ZNF544: variants seen among roughly 807,000 people sequenced by gnomAD.
ZNF544 encodes zinc finger protein 544.
ZNF544 carries 10 observed loss-of-function variants against 13.5 expected under a neutral mutation model. The ratio of observed to expected loss-of-function variants is 0.74; its 90% CI spans 0.46 to 1.25. The LOEUF (loss-of-function observed/expected upper bound fraction) is 1.25. Among genes scored for constraint, ZNF544 ranks in the 50% most tolerant of loss-of-function variants. The probability of loss-of-function intolerance (pLI) is 0.00; values close to 1 mark genes in which losing one functional copy is unlikely to be tolerated. For synonymous variants in ZNF544, 323 were observed against 300.5 expected, an observed-to-expected ratio of 1.07 and a Z score of -0.77; for missense variants, 896 against 845.6, an observed-to-expected ratio of 1.06 and a Z score of -0.74.
intron 6 of ZNF544, among the ~76,000 whole-genome samples, chr19:58,256,634 C>T (rs561531851): frequency 6.6e-6 from 1 of 152,324 alleles, no homozygotes; most frequent in African/African-American, 2.4e-5. Context: ...CGGACACAAA[C>T]TCAAGGTTTT....
intron 5 of ZNF544, among the ~76,000 whole-genome samples, chr19:58,270,271 T>G (rs897472667): frequency 1.3e-5 from 2 of 151,930 alleles, no homozygotes; most frequent in Non-Finnish European, 2.9e-5. Flanking sequence ...GGAATGGCAT[T>G]TGCATAGCTG....
chr19:58,236,486 G>C (rs1236884983), intron 3 of ZNF544, among the ~76,000 whole-genome samples: 3 of 144,204 alleles, frequency 2.1e-5, no homozygotes, highest in African/African-American at 7.8e-5. Context: ...TGGGCAACAA[G>C]AGTGAAACTG....
chr19:58,265,052 G>T (rs568441900), downstream of ZNF544, among the ~76,000 whole-genome samples: 2 of 152,252 alleles, frequency 1.3e-5, no homozygotes, highest in South Asian at 4.1e-4. Context: ...ATATTTCAGG[G>T]ATTCGGTTGT....
intron 6 of ZNF544, among the ~76,000 whole-genome samples, chr19:58,248,147 CATG>C: frequency 6.6e-6 from 1 of 151,872 alleles, no homozygotes; most frequent in East Asian, 1.9e-4. Flanking sequence ...CTCCTGACCT[CATG>C]ATGCGCCCCC....
rs759665812 is a variant in ZNF544, at chr19:58,261,952, C to A, written c.1346C>A (p.Ser449Tyr). The A allele has an allele frequency of 6.2e-7, 1 of 1,613,480 alleles. No homozygotes were observed. The highest frequency in any genetic ancestry group is 8.5e-7 in the Non-Finnish European group (1 of 1,179,892). The change falls in exon 7 of 7, where the codon TCT becomes TAT. Residue 449 changes from serine to tyrosine, a missense_variant. Ser to Tyr is a moderately radical substitution (Grantham distance 144). Transcript: ENST00000687789. ...TGCAGAAAATCCTTCAGGTGGAACT[C>A]TAACCTCATTGTACATCAGAGAATT... is the stretch of plus-strand genomic sequence containing the variant. Reference protein sequence around the residue: ...IECRKSFRWNSNLIVHQRIHT... With the variant: ...IECRKSFRWNYNLIVHQRIHT...
intron 6 of ZNF544, among the ~76,000 whole-genome samples, chr19:58,250,165 G>A (rs868438507): frequency 1.4e-4 from 21 of 152,186 alleles, no homozygotes; most frequent in Middle Eastern, 3.2e-3. Context: ...ATTTTCTATG[G>A]TAAACATGTG....
intron 1 of ZNF544, 93 bp downstream of exon 1, chr19:58,229,039 T>C (rs1458625893): frequency 6.6e-6 from 1 of 152,514 alleles, no homozygotes; most frequent in African/African-American, 2.4e-5. Flanking sequence ...CCCCAAGTGA[T>C]CTGGGCGTGC....
rs373258067 is a variant in ZNF544 at position 58,248,894 on chromosome 19, T to A, written c.244+2100T>A. On this transcript the variant is annotated intron_variant, in intron 6 of 6. Coordinates refer to ENST00000687789, the MANE Select transcript of ZNF544 (RefSeq NM_014480.4). ...AAATCCCGAGAGGTTTCCCATTGGT[T>A]ACTTGGTTTATATCCTCTGTAAATG... is the stretch of plus-strand genomic sequence containing the variant. Among the ~76,000 whole-genome samples, 42 of 152,322 alleles carry A rather than the reference T, an allele frequency of 2.8e-4. 1 individual carries two copies. In the South Asian group the frequency reaches 8.7e-3, roughly 32 times the overall value.
In ZNF544 at chr19:58,261,529, C is replaced by G. The variant is rs1366634132; in HGVS notation, c.923C>G (p.Ser308Cys). The change falls in exon 7 of 7, where the codon TCT becomes TGT. Residue 308 changes from serine (S) to cysteine (C), a missense_variant. Physicochemically the swap from Ser to Cys is moderately radical, Grantham distance 112 (BLOSUM62 -1). Transcript: ENST00000687789. ...YECDECRETC[S>C]ESLCLVQTER... ...TGTGATGAGTGCAGGGAAACCTGTT[C>G]TGAGAGTCTGTGCCTTGTACAAACA... The G allele has an allele frequency of 1.2e-6, 2 of 1,614,194 alleles. No individual in the cohort carries two copies. Among genetic ancestry groups the G allele is most frequent in the Non-Finnish European group, 1.7e-6 (2 of 1,180,032 alleles).
At chr19:58,246,010 G>A in intron 4 of ZNF544, 3 of 395,808 alleles carry the variant, frequency 7.6e-6, no homozygotes, top group South Asian at 6.1e-5. Flanking sequence ...AGGCTGGTAA[G>A]TCCAAGATCA....
chr19:58,270,770 C>T (rs539611167), intron 5 of ZNF544, among the ~76,000 whole-genome samples: 1 of 152,206 alleles, frequency 6.6e-6, no homozygotes, highest in South Asian at 2.1e-4. Context: ...AGAGGTTTCC[C>T]TTACCATCCT....
At chr19:58,268,384 A>AT (rs1434832759), downstream of ZNF544, among the ~76,000 whole-genome samples, 2 of 152,232 alleles carry the variant, frequency 1.3e-5, no homozygotes, top group East Asian at 3.8e-4. Context: ...TGAAATTACA[A>AT]GTAAGATTGT....
rs146783829 is a variant in ZNF544, at chr19:58,260,955, C to A, written c.349C>A (p.Pro117Thr). Residue 117 changes from proline (P) to threonine (T), a missense_variant, in exon 7 of 7, where the codon CCA (proline) becomes ACA (threonine). Coordinates refer to ENST00000687789, the MANE Select transcript of ZNF544 (RefSeq NM_014480.4). ...AGTGTACAGGAGTGGACCGGAGGAG[C>A]CACCCTCTTTGGTATTAGGAAAAGT... ...VEVYRSGPEE[P>T]PSLVLGKVQD... The A allele has an allele frequency of 2.6e-3, 4,162 of 1,614,150 alleles. 11 individuals are homozygous for A. Among genetic ancestry groups the A allele is most frequent in the Non-Finnish European group, 3.0e-3 (3,487 of 1,180,016 alleles).
At chr19:58,237,348 C>T (rs535086605) in intron 3 of ZNF544, among the ~76,000 whole-genome samples, 26 of 152,284 alleles carry the variant, frequency 1.7e-4, no homozygotes, top group Non-Finnish European at 2.5e-4. Context: ...TGAGCCACCA[C>T]GCCTGGCCTC....
intron 3 of ZNF544, among the ~76,000 whole-genome samples, chr19:58,236,865 C>T (rs1328244953): frequency 4.0e-5 from 6 of 151,648 alleles, no homozygotes; most frequent in Non-Finnish European, 7.4e-5. Context: ...CCTCAGCCTC[C>T]CAAGTAGCTG....
At chr19:58,240,977 ATTG>A (rs2043464739) in intron 3 of ZNF544, among the ~76,000 whole-genome samples, 1 of 135,030 alleles carries the variant, frequency 7.4e-6, no homozygotes, top group Non-Finnish European at 1.6e-5. Flanking sequence ...TCTTTTTGTT[ATTG>A]TTGTTGTTTG....
At chr19:58,238,982 G>A (rs769212270) in intron 3 of ZNF544, among the ~76,000 whole-genome samples, 3 of 152,308 alleles carry the variant, frequency 2.0e-5, no homozygotes, top group South Asian at 2.1e-4. Context: ...TCCTTGTGCA[G>A]GGGAGGCAAG....
chr19:58,240,774 A>T (rs1330124958), intron 3 of ZNF544, among the ~76,000 whole-genome samples: 1 of 151,104 alleles, frequency 6.6e-6, no homozygotes, highest in African/African-American at 2.4e-5. Flanking sequence ...AAAAAAAAAG[A>T]AAGTACAGGG....
At chr19:58,253,977 C>G (rs918218411) in intron 6 of ZNF544, among the ~76,000 whole-genome samples, 8 of 152,186 alleles carry the variant, frequency 5.3e-5, no homozygotes, top group African/African-American at 1.2e-4. Context: ...TGCGGTGGCT[C>G]ACGCCTGTAA....
Sources: gnomAD v4.1 joint callset for allele counts (sites outside exome capture counted in the v4.1 genomes callset) on GRCh38, gnomAD v4.1.1 for gene constraint, MANE v1.5 for transcripts, NCBI Gene and HGNC (gene_info 2026-07-23, HGNC 2026-07-21) for gene names.